The following SEPTIN3 variants were observed in gnomAD, a reference collection of about 807,000 sequenced individuals.
The protein encoded by SEPTIN3 is septin 3.
A neutral mutation model predicts 45.1 loss-of-function variants in SEPTIN3; 15 were observed. The ratio of observed to expected loss-of-function variants is 0.33; its 90% CI spans 0.22 to 0.51. SEPTIN3 has a LOEUF of 0.51. Among genes scored for constraint, SEPTIN3 ranks in the 20% least tolerant of loss-of-function variants. The pLI, the probability that SEPTIN3 is intolerant of heterozygous loss-of-function variation, is 0.97. For missense variants in SEPTIN3, 289 were observed against 457.2 expected, an observed-to-expected ratio of 0.63 and a Z score of 3.35; for synonymous variants, 148 against 164.8, an observed-to-expected ratio of 0.90 and a Z score of 0.78.
chr22:41,995,189 C>A, intron 11 of SEPTIN3: 1 of 1,025,546 alleles, frequency 9.8e-7, no homozygotes. Context: ...TCTCCAAGGA[C>A]AGATGGCAGT....
Position 41,972,926 on chromosome 22 carries a change from G to A in SEPTIN3, c.1434G>A (p.Leu478=). ...LMPSRSTDLA[L]DNTNAAMDRA... ...CAAGCAGATCCACAGACCTAGCCCT[G>A]GACAACACTAATGCTGCCATGGACA... The change falls in exon 2 of 12, where the codon CTG becomes CTA. Residue 478 remains leucine (L), a synonymous_variant. Transcript: ENST00000644076. 2.5e-6 allele frequency: 1 copy of A among 399,182 alleles called. No individual in the cohort carries two copies. The highest frequency in any genetic ancestry group is 4.4e-6 in the Non-Finnish European group (1 of 226,214). The allele number at this position is 399,182 out of a possible 1,614,324, so 24.7% of individuals were successfully genotyped here.
In SEPTIN3 at chr22:41,971,623, C is replaced by A. The variant is rs543600398; in HGVS notation, c.131C>A (p.Ser44Tyr). The A allele has an allele frequency of 2.5e-6, 1 of 398,994 alleles. No homozygotes were observed. Among genetic ancestry groups the A allele is most frequent in the Non-Finnish European group, 4.4e-6 (1 of 226,128 alleles). The allele number at this position is 398,994 out of a possible 1,614,324, so 24.7% of individuals were successfully genotyped here. Reference sequence around the variant, plus strand: ...CCCTCGAGACTCCCTGGAGGAGGGTCCCCCCTCACCCCCGTCCTCAGGAAG... The same window carrying A: ...CCCTCGAGACTCCCTGGAGGAGGGTACCCCCTCACCCCCGTCCTCAGGAAG... ...IRPSRLPGGGSPLTPVLRKTI... is the reference protein window; with the variant it reads ...IRPSRLPGGGYPLTPVLRKTI... The change falls in exon 2 of 12, where the codon TCC (serine) becomes TAC (tyrosine). Residue 44 changes from serine (S) to tyrosine (Y), a missense_variant. Coordinates refer to ENST00000644076, the MANE Select transcript of SEPTIN3 (RefSeq NM_001363845.2).
At chr22:41,986,583 T>C (rs1476535730) in intron 4 of SEPTIN3, among the ~76,000 whole-genome samples, 1 of 152,040 alleles carries the variant, frequency 6.6e-6, no homozygotes, top group African/African-American at 2.4e-5. Context: ...CACTGCAAGC[T>C]CCACCTCCCG....
At position 41,992,777 on chromosome 22, in the gene SEPTIN3, T is replaced by C. The variant is rs752625036; in HGVS notation, c.2359+14T>C. On this transcript the variant is annotated intron_variant, in intron 9 of 11. Transcript: ENST00000644076. ...GGATCATCGAAGGTAATTCACTGCA[T>C]CTTCTGGAAGAACTGGTTGCTGATC... 66 of 1,554,640 alleles carry C rather than the reference T, an allele frequency of 4.2e-5. No individual in the cohort carries two copies. The Middle Eastern group carries it at 1.0e-3, about 24-fold the overall frequency.
In SEPTIN3 at chr22:41,971,486, G is replaced by A. The variant is rs776540005; in HGVS notation, c.-7G>A. The A allele has an allele frequency of 2.7e-4, 106 of 399,042 alleles. No individual in the cohort carries two copies. The highest frequency in any genetic ancestry group is 4.0e-4 in the Admixed American group (9 of 22,714). 24.7% of individuals were successfully genotyped at this position (399,042 alleles called of 1,614,324 possible). On this transcript the variant is annotated 5_prime_UTR_variant, in exon 2 of 12. Transcript: ENST00000644076. ...TTGATTGCCTCAGGGAAAGACAAAC[G>A]ACCTGGATGGACCACAACTTTGCTC...
chr22:41,973,840 G>C (rs1461429596), intron 2 of SEPTIN3, among the ~76,000 whole-genome samples: 1 of 149,884 alleles, frequency 6.7e-6, no homozygotes, highest in East Asian at 2.0e-4. Context: ...AGTTAGCCAG[G>C]TGTGGTGGCA....
At chr22:41,996,349 A>C in intron 11 of SEPTIN3, 1 of 985,492 alleles carries the variant, frequency 1.0e-6, no homozygotes, top group Non-Finnish European at 1.2e-6. Flanking sequence ...ACTAAGTGAA[A>C]CTGTTTACAA....
chr22:41,973,495 T>C (rs1211759939), intron 2 of SEPTIN3, among the ~76,000 whole-genome samples: 1 of 87,990 alleles, frequency 1.1e-5, no homozygotes, highest in Non-Finnish European at 2.2e-5. Context: ...CCGTCTCTAC[T>C]AAAAGTACAA....
chr22:41,980,990 A>G (rs2078111440), intron 2 of SEPTIN3, among the ~76,000 whole-genome samples: 1 of 152,160 alleles, frequency 6.6e-6, no homozygotes, highest in African/African-American at 2.4e-5. Context: ...CGAGAGTGAT[A>G]GCCACTCTCC....
chr22:41,971,485 C>A lies in SEPTIN3; in HGVS notation c.-8C>A. ...GTTGATTGCCTCAGGGAAAGACAAA[C>A]GACCTGGATGGACCACAACTTTGCT... is the stretch of plus-strand genomic sequence containing the variant. On this transcript the variant is annotated 5_prime_UTR_variant, in exon 2 of 12. Coordinates refer to ENST00000644076, the MANE Select transcript of SEPTIN3 (RefSeq NM_001363845.2). The A allele has an allele frequency of 2.5e-6, 1 of 399,258 alleles. No individual in the cohort carries two copies. The highest frequency in any genetic ancestry group is 4.4e-6 in the Non-Finnish European group (1 of 226,236). 24.7% of individuals were successfully genotyped at this position (399,258 alleles called of 1,614,324 possible).
intron 3 of SEPTIN3, among the ~76,000 whole-genome samples, chr22:41,983,286 G>A (rs2078151161): frequency 6.6e-6 from 1 of 152,212 alleles, no homozygotes; most frequent in South Asian, 2.1e-4. Context: ...TCTCTCCTGA[G>A]GCAGACTTCT....
chr22:41,984,254 A>G (rs1011132535), intron 3 of SEPTIN3, among the ~76,000 whole-genome samples: 1 of 152,050 alleles, frequency 6.6e-6, no homozygotes, highest in African/African-American at 2.4e-5. Context: ...AGGGAAAACA[A>G]TGCAGGTGGG....
At chr22:41,977,227 C>CGGTGT in intron 2 of SEPTIN3, among the ~76,000 whole-genome samples, 1 of 152,202 alleles carries the variant, frequency 6.6e-6, no homozygotes, top group South Asian at 2.1e-4. Flanking sequence ...GTGGCACCCA[C>CGGTGT]CTCGAGAGAG....
chr22:41,983,113 C>T (rs2078148508), intron 3 of SEPTIN3, among the ~76,000 whole-genome samples: 2 of 152,212 alleles, frequency 1.3e-5, no homozygotes, highest in South Asian at 4.1e-4. Context: ...CTGACTTTCT[C>T]TCACCTGGCT....
At chr22:41,981,893 A>G in intron 3 of SEPTIN3, 57 bp downstream of exon 3, 2 of 1,497,216 alleles carry the variant, frequency 1.3e-6, no homozygotes, top group South Asian at 1.2e-5. Context: ...CAAGGATCCC[A>G]TTTCTTTCCC....
chr22:41,989,481 C>A, intron 6 of SEPTIN3, 86 bp from the exon 7 acceptor site: 1 of 866,696 alleles, frequency 1.2e-6, no homozygotes. Context: ...CAGTCCTCTT[C>A]TCCTGTGGGT....
At chr22:41,990,470 G>C (rs1035075900) in intron 7 of SEPTIN3, among the ~76,000 whole-genome samples, 1 of 151,884 alleles carries the variant, frequency 6.6e-6, no homozygotes, top group Non-Finnish European at 1.5e-5. Flanking sequence ...ATCCAGTTGG[G>C]CGTGGTGGCT....
chr22:41,989,530 A>G, intron 6 of SEPTIN3, 37 bp from the exon 7 acceptor site: 1 of 1,411,156 alleles, frequency 7.1e-7, no homozygotes, highest in South Asian at 1.2e-5. Context: ...GGGGAGGGCA[A>G]GGTGGCTCTG....
chr22:41,996,279 T>C, intron 11 of SEPTIN3: 3 of 985,392 alleles, frequency 3.0e-6, no homozygotes, highest in Non-Finnish European at 3.6e-6. Flanking sequence ...TTTCCTTTAA[T>C]CTGTAAGATT....
Sources: gnomAD v4.1 joint callset for allele counts (sites outside exome capture counted in the v4.1 genomes callset) on GRCh38, gnomAD v4.1.1 for gene constraint, MANE v1.5 for transcripts, NCBI Gene and HGNC (gene_info 2026-07-23, HGNC 2026-07-21) for gene names.